INSR: variants seen among roughly 807,000 people sequenced by gnomAD.
INSR encodes IR.
A neutral mutation model predicts 142.6 loss-of-function variants in INSR; 67 were observed. The observed-to-expected ratio is 0.47, with a 90% CI of 0.39 to 0.58. The LOEUF (loss-of-function observed/expected upper bound fraction) is 0.58. Ranked by LOEUF, INSR falls within the 20% of genes least tolerant of loss-of-function variation. The pLI is 0.00. For synonymous variants in INSR, 756 were observed against 743.1 expected (o/e 1.02, Z -0.28); for missense variants, 1,248 against 1,833.2 (o/e 0.68, Z 5.83).
intron 15 of INSR, among the ~76,000 whole-genome samples, 171 bp downstream of exon 15, chr19:7,128,681 A>G (rs1220116253): frequency 6.6e-6 from 1 of 152,194 alleles, no homozygotes; most frequent in African/African-American, 2.4e-5. Flanking sequence ...GGGAATTTAC[A>G]ATAAAGAGTT....
Position 7,125,410 on chromosome 19 carries a change from T to C in INSR, c.3131A>G (p.Asp1044Gly). Reference protein sequence around the residue: ...FGMVYEGNARDIIKGEAETRV... With the variant: ...FGMVYEGNARGIIKGEAETRV... Reference sequence around the variant, plus strand: ...GGTCTCTGCCTCACCCTTGATGATGTCCCTGGCATTGCCCTCATACACCAT... The same window carrying C: ...GGTCTCTGCCTCACCCTTGATGATGCCCCTGGCATTGCCCTCATACACCAT... The change falls in exon 17 of 22, where the codon GAC (aspartate) becomes GGC (glycine). Residue 1044 changes from aspartate to glycine, a missense_variant. Around this residue, in one of 3 missense-constraint regions of INSR, gnomAD observed 1,069 missense variants for 1,654.0 expected, o/e 0.65. Transcript: ENST00000302850. This position sits in a 1 kb window ranked among gnomAD's most constrained non-coding sequence, Gnocchi z 4.9. 6.2e-7 allele frequency: 1 copy of C among 1,614,094 alleles called. No individual in the cohort carries two copies. The highest frequency in any genetic ancestry group is 8.5e-7 in the Non-Finnish European group (1 of 1,180,018).
chr19:7,172,471 G>A (rs747744807), intron 4 of INSR, 37 bp from the exon 5 acceptor site: 2 of 1,606,206 alleles, frequency 1.2e-6, no homozygotes, highest in African/African-American at 1.3e-5. Context: ...GGTTTCTATA[G>A]ACATATTTCA....
intron 2 of INSR, among the ~76,000 whole-genome samples, chr19:7,198,404 G>T (rs1161498607): frequency 1.3e-5 from 2 of 152,150 alleles, no homozygotes; most frequent in African/African-American, 4.8e-5. Flanking sequence ...TGCCACGGAT[G>T]GAACTTTGGA....
intron 9 of INSR, among the ~76,000 whole-genome samples, chr19:7,162,752 G>T (rs1973787078): frequency 6.6e-6 from 1 of 151,826 alleles, no homozygotes; most frequent in African/African-American, 2.4e-5. Flanking sequence ...CCCGAGAGGT[G>T]GAGGTTGCGA....
chr19:7,222,957 C>A (rs56263243), intron 2 of INSR, among the ~76,000 whole-genome samples: 4 of 152,050 alleles, frequency 2.6e-5, no homozygotes, highest in African/African-American at 9.7e-5. Context: ...CTAAGGAGGG[C>A]GGATCACCTG....
intron 2 of INSR, among the ~76,000 whole-genome samples, chr19:7,254,849 T>C (rs778357478): frequency 2.0e-5 from 3 of 151,974 alleles, no homozygotes; most frequent in Non-Finnish European, 2.9e-5. Flanking sequence ...GAGTATCAGG[T>C]AGGAGGAAGG....
At chr19:7,152,453 G>A (rs1973395217) in intron 10 of INSR, 1 of 492,134 alleles carries the variant, frequency 2.0e-6, no homozygotes, top group Non-Finnish European at 3.7e-6. Context: ...TGGAACTCAC[G>A]TGGAGACCAG....
Position 7,119,190 on chromosome 19 carries a change from T to C in INSR, c.3794+259A>G, listed in dbSNP as rs1054802627. On this transcript the variant is annotated intron_variant, in intron 21 of 21. Transcript: ENST00000302850. This position sits in a 1 kb window ranked among gnomAD's most constrained non-coding sequence, Gnocchi z 5.2. The stretch of plus-strand genomic sequence containing the variant: ...GAAACATATAATATGCAAACATAAA[T>C]ACCTATGTAAATATATAATATGCAA... 6.6e-6 allele frequency among the ~76,000 whole-genome samples: 1 copy of C among 152,184 alleles called. No individual in the cohort carries two copies. The highest frequency in any genetic ancestry group is 2.4e-5 in the African/African-American group (1 of 41,440).
intron 1 of INSR, among the ~76,000 whole-genome samples, chr19:7,281,337 AACAC>A (rs34319011): frequency 2.0e-5 from 3 of 150,642 alleles, no homozygotes; most frequent in Non-Finnish European, 4.4e-5. Context: ...ACAACAAACA[AACAC>A]ACACACACAC....
chr19:7,151,644 G>GAACA (rs1973364223), intron 10 of INSR, among the ~76,000 whole-genome samples: 1 of 148,884 alleles, frequency 6.7e-6, no homozygotes, highest in African/African-American at 2.5e-5. Context: ...CTGTCCCCCT[G>GAACA]AACATTCTTT....
At chr19:7,161,238 C>CT (rs201486860) in intron 9 of INSR, among the ~76,000 whole-genome samples, 56 of 143,266 alleles carry the variant, frequency 3.9e-4, no homozygotes, top group African/African-American at 8.2e-4. Context: ...CACTTAATGC[C>CT]TTTTTTTTTT....
At chr19:7,238,842 A>G (rs1976246108) in intron 2 of INSR, among the ~76,000 whole-genome samples, 1 of 151,350 alleles carries the variant, frequency 6.6e-6, no homozygotes, top group African/African-American at 2.4e-5. Flanking sequence ...GGCTTCCACT[A>G]TGTGTCCCCA....
At chr19:7,137,079 A>G (rs771887748) in intron 13 of INSR, among the ~76,000 whole-genome samples, 3 of 151,918 alleles carry the variant, frequency 2.0e-5, no homozygotes, top group African/African-American at 4.8e-5. Context: ...TGATCCACCC[A>G]CCATGGCCTC....
intron 11 of INSR, 60 bp from the exon 12 acceptor site, chr19:7,143,150 G>T: frequency 6.4e-7 from 1 of 1,571,724 alleles, no homozygotes; most frequent in Non-Finnish European, 8.8e-7. Flanking sequence ...TTAAAAAAGT[G>T]ACACTGGAGA....
At chr19:7,139,264 T>C (rs1302416214) in intron 13 of INSR, among the ~76,000 whole-genome samples, 1 of 152,226 alleles carries the variant, frequency 6.6e-6, no homozygotes, top group Non-Finnish European at 1.5e-5. Context: ...TAAATGTCCT[T>C]TGTTTTAAAC....
intron 13 of INSR, among the ~76,000 whole-genome samples, chr19:7,137,796 CTCAAAAA>C (rs1277251738): frequency 8.9e-5 from 1 of 11,262 alleles, no homozygotes; most frequent in African/African-American, 2.7e-4. Context: ...GAGACTCCAT[CTCAAAAA>C]AAAAAAAAAA....
Position 7,287,844 on chromosome 19 carries a change from G to C in INSR, c.100+5948C>G, listed in dbSNP as rs532274704. On this transcript the variant is annotated intron_variant, in intron 1 of 21. Coordinates refer to ENST00000302850, the MANE Select transcript of INSR (RefSeq NM_000208.4). ...TGTTCCAGATCAGAGGTCAGCAAAC[G>C]CTGTTCTGTAAAGGGCCAAAGTGTA... Among the ~76,000 whole-genome samples the C allele has an allele frequency of 2.8e-3, 426 of 152,236 alleles. 1 individual carries two copies. Among genetic ancestry groups the C allele is most frequent in the Non-Finnish European group, 4.8e-3 (326 of 68,022 alleles).
intron 2 of INSR, among the ~76,000 whole-genome samples, chr19:7,253,392 C>T (rs1976794984): frequency 6.6e-6 from 1 of 151,880 alleles, no homozygotes; most frequent in Non-Finnish European, 1.5e-5. Context: ...GTTCCAACCA[C>T]CAGCCCGGCT....
chr19:7,263,238 C>T (rs776929330), intron 2 of INSR, among the ~76,000 whole-genome samples: 4 of 151,614 alleles, frequency 2.6e-5, no homozygotes, highest in Non-Finnish European at 2.9e-5. Context: ...GAGATCACAC[C>T]ACTGCCCCCC....
Sources: allele counts gnomAD v4.1 joint callset (sites outside exome capture counted in the v4.1 genomes callset), GRCh38; gene constraint gnomAD v4.1.1; regional missense constraint gnomAD v4.1.1; non-coding constraint Gnocchi (gnomAD v3.1); transcripts MANE v1.5; gene names NCBI Gene and HGNC (gene_info 2026-07-23, HGNC 2026-07-21).